Variants in FRMD3 observed in about 807,000 individuals in gnomAD.
FRMD3 encodes the protein FERM domain containing 3, also known as FERM domain-containing protein 3.
Under a neutral mutation model 70.2 loss-of-function variants are expected in FRMD3, and 33 were observed. That is an observed-to-expected ratio of 0.47 (90% CI 0.36 to 0.63). The LOEUF is 0.63. FRMD3 is among the 20% of genes least tolerant of loss of function. The pLI is 0.00. For synonymous variants in FRMD3, 279 were observed against 255.9 expected, an observed-to-expected ratio of 1.09 and a Z score of -0.86; for missense variants, 632 against 711.4, an observed-to-expected ratio of 0.89 and a Z score of 1.27.
At chr9:83,584,841 G>A in the FRMD3 span, among the ~76,000 whole-genome samples, 21 of 152,092 alleles carry the variant, frequency 1.4e-4, no homozygotes, top group African/African-American at 4.6e-4. Context: ...GAAATGGATC[G>A]ATAATAGGAC....
chr9:83,472,069 A>G (rs1157849608), intron 1 of FRMD3, among the ~76,000 whole-genome samples: 1 of 151,800 alleles, frequency 6.6e-6, no homozygotes, highest in Non-Finnish European at 1.5e-5. Context: ...CATTGAAGGG[A>G]CTAGGGTGCT....
chr9:83,413,074 A>G (rs543740193), intron 1 of FRMD3, among the ~76,000 whole-genome samples: 3 of 152,254 alleles, frequency 2.0e-5, no homozygotes, highest in African/African-American at 7.2e-5. Context: ...TAATAAAATA[A>G]TTGCATTTGG....
At chr9:83,532,631 GCACA>G (rs138470951) in intron 1 of FRMD3, among the ~76,000 whole-genome samples, 1 of 150,414 alleles carries the variant, frequency 6.6e-6, no homozygotes, top group Admixed American at 6.6e-5. Flanking sequence ...ACATGTGCAT[GCACA>G]CACACACACA....
At chr9:83,459,247 T>C (rs994429032) in intron 1 of FRMD3, among the ~76,000 whole-genome samples, 2 of 151,968 alleles carry the variant, frequency 1.3e-5, no homozygotes, top group African/African-American at 4.8e-5. Flanking sequence ...CCTAGAACTC[T>C]GGCCATTTGA....
chr9:83,577,559 G>A, the FRMD3 span, among the ~76,000 whole-genome samples: 1 of 151,952 alleles, frequency 6.6e-6, no homozygotes, highest in Non-Finnish European at 1.5e-5. Flanking sequence ...CACTCCAAGT[G>A]GATCATAGAC....
chr9:83,562,416 C>T, the FRMD3 span, among the ~76,000 whole-genome samples: 3 of 152,176 alleles, frequency 2.0e-5, no homozygotes, highest in Non-Finnish European at 4.4e-5. Context: ...AGGACTCTCC[C>T]TTGAACATGC....
At chr9:83,535,012 GACATAC>G (rs1348400407) in intron 1 of FRMD3, among the ~76,000 whole-genome samples, 2 of 152,184 alleles carry the variant, frequency 1.3e-5, no homozygotes, top group Admixed American at 1.3e-4. Context: ...ATATGTCAAA[GACATAC>G]ATAAGCTTTG....
the FRMD3 span, among the ~76,000 whole-genome samples, chr9:83,559,319 A>G: frequency 1.3e-3 from 196 of 152,368 alleles, no homozygotes; most frequent in African/African-American, 4.4e-3. Context: ...TCAAATAATC[A>G]TTAGCATTTT....
intron 1 of FRMD3, among the ~76,000 whole-genome samples, chr9:83,426,935 A>G (rs1364454255): frequency 6.6e-6 from 1 of 152,178 alleles, no homozygotes; most frequent in Non-Finnish European, 1.5e-5. Flanking sequence ...GGAGAAGGGA[A>G]CTTAGCTGGT....
chr9:83,483,369 T>C (rs1828613272), intron 1 of FRMD3, among the ~76,000 whole-genome samples: 3 of 152,186 alleles, frequency 2.0e-5, no homozygotes, highest in South Asian at 4.1e-4. Flanking sequence ...CTTCTCTTCA[T>C]AAATTACTCA....
At chr9:83,259,193 T>C (rs889632412) in intron 13 of FRMD3, among the ~76,000 whole-genome samples, 2 of 152,228 alleles carry the variant, frequency 1.3e-5, no homozygotes, top group East Asian at 1.9e-4. Context: ...AACTTTCAAA[T>C]GTCAGATATC....
chr9:83,329,849 A>C (rs1279215643), intron 6 of FRMD3, among the ~76,000 whole-genome samples: 1 of 152,222 alleles, frequency 6.6e-6, no homozygotes, highest in Admixed American at 6.5e-5. Context: ...TCTAATGACA[A>C]ACCTGATGAA....
chr9:83,254,233 G>A (rs1385297365), intron 13 of FRMD3, among the ~76,000 whole-genome samples: 1 of 151,918 alleles, frequency 6.6e-6, no homozygotes, highest in African/African-American at 2.4e-5. Flanking sequence ...CCTGCATGTT[G>A]TGCACACGTA....
At chr9:83,345,379 G>A (rs58765817) in intron 4 of FRMD3, among the ~76,000 whole-genome samples, 6,303 of 152,188 alleles carry the variant, frequency 0.041, 204 homozygotes, top group East Asian at 0.18. Flanking sequence ...ACACTTTAAC[G>A]TGCACATGAA....
chr9:83,254,129 G>A (rs912279262), intron 13 of FRMD3, among the ~76,000 whole-genome samples: 1 of 151,774 alleles, frequency 6.6e-6, no homozygotes, highest in Non-Finnish European at 1.5e-5. Context: ...GTAGGGGGAA[G>A]GGGGAGGGAT....
the FRMD3 span, among the ~76,000 whole-genome samples, chr9:83,585,630 G>A: frequency 5.1e-4 from 78 of 152,274 alleles, no homozygotes; most frequent in African/African-American, 1.9e-4. Context: ...GCCAAGAAAC[G>A]CTATGTAGAG....
At chr9:83,302,372 G>T (rs565358459) in intron 10 of FRMD3, among the ~76,000 whole-genome samples, 73 of 152,276 alleles carry the variant, frequency 4.8e-4, no homozygotes, top group Middle Eastern at 3.4e-3. Context: ...TGACCCAAGA[G>T]GTGACATTTC....
At chr9:83,471,972 T>C (rs17086298) in intron 1 of FRMD3, among the ~76,000 whole-genome samples, 9,014 of 152,262 alleles carry the variant, frequency 0.059, 428 homozygotes, top group East Asian at 0.15. Context: ...AAGAGGCTTG[T>C]TGAGGTTTGA....
intron 4 of FRMD3, among the ~76,000 whole-genome samples, chr9:83,345,651 G>A (rs773103771): frequency 2.0e-5 from 3 of 152,082 alleles, no homozygotes; most frequent in Non-Finnish European, 2.9e-5. Flanking sequence ...CAGCTACTCG[G>A]GAGGCTGAGG....
Sources: gnomAD v4.1 joint callset for allele counts (sites outside exome capture counted in the v4.1 genomes callset) on GRCh38, gnomAD v4.1.1 for gene constraint, MANE v1.5 for transcripts, NCBI Gene and HGNC (gene_info 2026-07-23, HGNC 2026-07-21) for gene names.